GRM1: variants seen among roughly 807,000 people sequenced by gnomAD.
The protein encoded by GRM1 is glutamate metabotropic receptor 1, also known as metabotropic glutamate receptor 1.
In GRM1, 33 loss-of-function variants were observed where a neutral mutation model predicts 90.9. That is an observed-to-expected ratio of 0.36 (90% CI 0.28 to 0.49). GRM1 has a LOEUF of 0.49. Ranked by LOEUF, GRM1 falls within the 20% of genes least tolerant of loss-of-function variation. The pLI is 0.99. For synonymous variants in GRM1, 700 were observed against 613.2 expected (o/e 1.14, Z -2.09); for missense variants, 1,190 against 1,534.3 (o/e 0.78, Z 3.75).
chr6:146,215,477 T>A (rs777426799), intron 2 of GRM1, among the ~76,000 whole-genome samples: 1 of 152,142 alleles, frequency 6.6e-6, no homozygotes, highest in Admixed American at 6.6e-5. Context: ...AAACTTGCCC[T>A]TGCAAGAAGC....
intron 1 of GRM1, among the ~76,000 whole-genome samples, chr6:146,122,123 A>G (rs770441141): frequency 1.3e-5 from 2 of 152,218 alleles, no homozygotes; most frequent in East Asian, 1.9e-4. Flanking sequence ...AGACAAGACC[A>G]TAATGGTAAA....
chr6:146,029,909 G>T lies in GRM1; in HGVS notation c.392G>T (p.Arg131Leu). ...EFIRDSLISI[R>L]DEKDGINRCL... ...ATTAGGGACTCTCTGATTTCCATTC[G>T]AGATGAGAAGGATGGGATCAACCGG... Residue 131 changes from arginine to leucine, a missense_variant, in exon 1 of 8, where the codon CGA (arginine) becomes CTA (leucine). Arg to Leu is a moderately radical substitution (Grantham distance 102). Transcript: ENST00000282753. 6.2e-7 allele frequency: 1 copy of T among 1,614,120 alleles called. No homozygotes were observed. The highest frequency in any genetic ancestry group is 1.1e-5 in the South Asian group (1 of 91,080).
At chr6:146,058,496 A>G (rs148378101) in intron 1 of GRM1, among the ~76,000 whole-genome samples, 109 of 152,268 alleles carry the variant, frequency 7.2e-4, no homozygotes, top group African/African-American at 2.4e-3. Context: ...GCAAATTTTA[A>G]TCTTTTTTGG....
intron 2 of GRM1, among the ~76,000 whole-genome samples, chr6:146,179,259 G>T (rs1005144084): frequency 6.6e-5 from 10 of 152,140 alleles, no homozygotes; most frequent in Admixed American, 5.9e-4. Context: ...TACCTAAAAT[G>T]CCATGCCCCC....
intron 2 of GRM1, among the ~76,000 whole-genome samples, chr6:146,294,294 A>G (rs904998821): frequency 2.0e-5 from 3 of 151,862 alleles, no homozygotes; most frequent in Admixed American, 6.6e-5. Flanking sequence ...TTTACATTCA[A>G]ATAATATGTT....
intron 1 of GRM1, among the ~76,000 whole-genome samples, chr6:146,151,139 C>A (rs1777319965): frequency 6.6e-6 from 1 of 152,078 alleles, no homozygotes; most frequent in Non-Finnish European, 1.5e-5. Flanking sequence ...AGGGACCAGA[C>A]CAGGAATGGA....
chr6:146,279,576 T>G (rs1254614947), intron 2 of GRM1, among the ~76,000 whole-genome samples: 1 of 152,172 alleles, frequency 6.6e-6, no homozygotes, highest in Non-Finnish European at 1.5e-5. Flanking sequence ...TGTGAATTAT[T>G]TATAAGTGTG....
At chr6:146,082,053 G>A (rs1331036922) in intron 1 of GRM1, among the ~76,000 whole-genome samples, 2 of 152,074 alleles carry the variant, frequency 1.3e-5, no homozygotes, top group Non-Finnish European at 2.9e-5. Flanking sequence ...GGTAGATGGG[G>A]GCATTCTTCA....
intron 7 of GRM1, among the ~76,000 whole-genome samples, chr6:146,401,139 G>T (rs531764169): frequency 6.6e-6 from 1 of 152,144 alleles, no homozygotes; most frequent in Admixed American, 6.5e-5. Context: ...ATACTTTGAG[G>T]ATCTAACAAG....
In GRM1 at chr6:146,308,828, G is replaced by A. The variant is rs550629418; in HGVS notation, c.1186+3982G>A. Among the ~76,000 whole-genome samples, 14 of 151,902 alleles carry A rather than the reference G, an allele frequency of 9.2e-5. No homozygotes were observed. The East Asian group carries it at 2.7e-3, about 29-fold the overall frequency. The stretch of plus-strand genomic sequence containing the variant: ...ATGTATTAATATTATTTTATATATT[G>A]CTGTATTAAAAGAAATGTTTTATAC... On this transcript the variant is annotated intron_variant, in intron 3 of 7. Coordinates refer to ENST00000282753, the MANE Select transcript of GRM1 (RefSeq NM_001278064.2).
At position 146,236,652 on chromosome 6, in the gene GRM1, T is replaced by TTTG. The variant is rs146404995; in HGVS notation, c.951-67944_951-67942dup. Among the ~76,000 whole-genome samples, 273 of 152,134 alleles carry TTTG rather than the reference T, an allele frequency of 1.8e-3. 3 individuals carry two copies. Among genetic ancestry groups the TTTG allele is most frequent in the African/African-American group, 6.2e-3 (259 of 41,520 alleles). ...TTTCCTCCACAAGGGTGAGGGAATT[T>TTTG]TTGTTGTTGTTGTTGTTCCCTTCCC... On this transcript the variant is annotated intron_variant, in intron 2 of 7. Transcript: ENST00000282753.
chr6:146,105,024 A>T (rs1562465793), intron 1 of GRM1, among the ~76,000 whole-genome samples: 1 of 152,120 alleles, frequency 6.6e-6, no homozygotes, highest in African/African-American at 2.4e-5. Context: ...GACCTGAGTG[A>T]TTTTTTATGG....
intron 3 of GRM1, among the ~76,000 whole-genome samples, chr6:146,341,653 G>A (rs538283684): frequency 3.3e-5 from 5 of 152,302 alleles, no homozygotes; most frequent in African/African-American, 1.2e-4. Flanking sequence ...GTTCCCCAAA[G>A]CACTAAGAAA....
At chr6:146,138,601 T>C (rs1437375233) in intron 1 of GRM1, among the ~76,000 whole-genome samples, 1 of 152,164 alleles carries the variant, frequency 6.6e-6, no homozygotes, top group Non-Finnish European at 1.5e-5. Flanking sequence ...TGGTTCAATC[T>C]TGGTGGGTTG....
At chr6:146,267,609 T>C (rs890547717) in intron 2 of GRM1, among the ~76,000 whole-genome samples, 3 of 134,778 alleles carry the variant, frequency 2.2e-5, no homozygotes, top group Non-Finnish European at 4.7e-5. Context: ...GGGAGAAAGA[T>C]GTAGGCTGGG....
intron 2 of GRM1, among the ~76,000 whole-genome samples, chr6:146,220,207 A>G (rs533362392): frequency 6.6e-6 from 1 of 152,290 alleles, no homozygotes; most frequent in African/African-American, 2.4e-5. Flanking sequence ...TTGAAAATGG[A>G]AAGCAGTGTA....
At chr6:146,098,593 C>T (rs1776946925) in intron 1 of GRM1, among the ~76,000 whole-genome samples, 1 of 151,814 alleles carries the variant, frequency 6.6e-6, no homozygotes, top group South Asian at 2.1e-4. Flanking sequence ...TGTTATTTTC[C>T]TACTATTACC....
intron 2 of GRM1, among the ~76,000 whole-genome samples, chr6:146,251,606 A>C (rs1781280165): frequency 6.6e-6 from 1 of 152,232 alleles, no homozygotes; most frequent in African/African-American, 2.4e-5. Context: ...AGTTGTTCAG[A>C]AGCATGGCAT....
At chr6:146,199,952 G>A (rs1045769776) in intron 2 of GRM1, among the ~76,000 whole-genome samples, 12 of 152,158 alleles carry the variant, frequency 7.9e-5, no homozygotes, top group African/African-American at 2.9e-4. Context: ...GGGAGGTGAA[G>A]ATTCGGCGAG....
Sources: gnomAD v4.1 joint callset for allele counts (sites outside exome capture counted in the v4.1 genomes callset) on GRCh38, gnomAD v4.1.1 for gene constraint, MANE v1.5 for transcripts, NCBI Gene and HGNC (gene_info 2026-07-23, HGNC 2026-07-21) for gene names.